LINGO2: variants seen among roughly 807,000 people sequenced by gnomAD.
The protein encoded by LINGO2 is leucine-rich repeat and immunoglobulin-like domain-containing nogo receptor-interacting protein 2.
In LINGO2, 14 loss-of-function variants were observed where a neutral mutation model predicts 30.6. The ratio of observed to expected loss-of-function variants is 0.46; its 90% confidence interval spans 0.30 to 0.72. The LOEUF is 0.72. Among genes scored for constraint, LINGO2 ranks in the 30% least tolerant of loss-of-function variants. The probability of loss-of-function intolerance (pLI) is 0.07; values close to 1 mark genes in which losing one functional copy is unlikely to be tolerated. For missense variants in LINGO2, 729 were observed against 751.7 expected (o/e 0.97, Z 0.35); for synonymous variants, 317 against 288.5 (o/e 1.10, Z -1.00).
At chr9:28,264,818 T>A (rs1414751061) in intron 4 of LINGO2, among the ~76,000 whole-genome samples, 1 of 152,036 alleles carries the variant, frequency 6.6e-6, no homozygotes, top group Admixed American at 6.6e-5. Flanking sequence ...CTAAATGGTA[T>A]TGTAAAGGTA....
intron 2 of LINGO2, among the ~76,000 whole-genome samples, chr9:28,397,951 T>A (rs1296427094): frequency 6.6e-6 from 1 of 152,216 alleles, no homozygotes; most frequent in Non-Finnish European, 1.5e-5. Context: ...TATTGTGCTA[T>A]TACACATGTA....
intron 1 of LINGO2, among the ~76,000 whole-genome samples, chr9:28,573,418 A>G (rs1823801693): frequency 1.3e-5 from 2 of 152,172 alleles, no homozygotes; most frequent in African/African-American, 2.4e-5. Context: ...AAAGTTGGCT[A>G]CAGAGTAGAG....
chr9:28,330,880 C>T (rs1050209336), intron 3 of LINGO2, among the ~76,000 whole-genome samples: 2 of 152,038 alleles, frequency 1.3e-5, no homozygotes, highest in Non-Finnish European at 2.9e-5. Context: ...TATGAAATTT[C>T]GTAATTCATT....
intron 4 of LINGO2, among the ~76,000 whole-genome samples, chr9:28,266,727 G>C (rs1285148611): frequency 6.6e-6 from 1 of 151,988 alleles, no homozygotes; most frequent in Non-Finnish European, 1.5e-5. Flanking sequence ...TAATATTCTT[G>C]CTCTGTGCCT....
At chr9:28,536,916 A>C (rs1476790679) in intron 1 of LINGO2, among the ~76,000 whole-genome samples, 1 of 152,106 alleles carries the variant, frequency 6.6e-6, no homozygotes, top group Admixed American at 6.6e-5. Context: ...TAAGCACCAC[A>C]TTATACGAGC....
At chr9:28,632,891 G>T (rs1018679538) in intron 1 of LINGO2, among the ~76,000 whole-genome samples, 51 of 132,542 alleles carry the variant, frequency 3.8e-4, no homozygotes, top group African/African-American at 7.8e-4. Flanking sequence ...TAGAGAGAGA[G>T]AGAGAGAGAG....
chr9:28,441,448 C>T lies in LINGO2; in HGVS notation c.-279+34492G>A, dbSNP rs78716526. On this transcript the variant is annotated intron_variant, in intron 2 of 5. Transcript: ENST00000379992. The stretch of plus-strand genomic sequence containing the variant: ...TTCCTTTGATAGACTTTAGCCCATA[C>T]TTCATGTTAGTTCTCAAGCTTCAGT... 1.2e-3 allele frequency among the ~76,000 whole-genome samples: 178 copies of T among 151,808 alleles called. 1 individual carries two copies. In the East Asian group the frequency reaches 0.033, roughly 28 times the overall value.
intron 1 of LINGO2, among the ~76,000 whole-genome samples, chr9:28,602,451 C>A (rs1489801172): frequency 6.6e-6 from 1 of 152,078 alleles, no homozygotes; most frequent in East Asian, 1.9e-4. Context: ...TTTTCAGATA[C>A]TAAATGATAT....
At chr9:28,447,608 C>T (rs1024868360) in intron 2 of LINGO2, among the ~76,000 whole-genome samples, 6 of 152,032 alleles carry the variant, frequency 3.9e-5, no homozygotes, top group African/African-American at 1.5e-4. Context: ...AGTGAGATCT[C>T]ATCTCTAAAA....
chr9:28,986,660 A>T, the LINGO2 span, among the ~76,000 whole-genome samples: 1 of 152,014 alleles, frequency 6.6e-6, no homozygotes, highest in African/African-American at 2.4e-5. Flanking sequence ...CTATAAACCC[A>T]TTGTTAATTG....
intron 1 of LINGO2, among the ~76,000 whole-genome samples, chr9:28,510,907 T>C (rs962811109): frequency 1.3e-5 from 2 of 151,726 alleles, no homozygotes; most frequent in Non-Finnish European, 2.9e-5. Flanking sequence ...GAACTTGGAG[T>C]CTGATGTTCG....
At chr9:28,049,035 C>T (rs992738870) in intron 4 of LINGO2, among the ~76,000 whole-genome samples, 2 of 151,002 alleles carry the variant, frequency 1.3e-5, no homozygotes, top group African/African-American at 4.9e-5. Context: ...TTGAAGTTTT[C>T]TTTCCAGTAT....
At chr9:27,953,600 T>G (rs951204163) in intron 5 of LINGO2, among the ~76,000 whole-genome samples, 18 of 152,128 alleles carry the variant, frequency 1.2e-4, no homozygotes, top group Non-Finnish European at 2.4e-4. Context: ...TCACAAGATC[T>G]GGTGGTTTTA....
At chr9:28,578,680 T>C (rs1189638476) in intron 1 of LINGO2, among the ~76,000 whole-genome samples, 3 of 152,148 alleles carry the variant, frequency 2.0e-5, no homozygotes, top group African/African-American at 7.2e-5. Context: ...TAAATTCTGC[T>C]AAAACCAACC....
At chr9:29,186,142 A>G in the LINGO2 span, among the ~76,000 whole-genome samples, 180 of 152,272 alleles carry the variant, frequency 1.2e-3, no homozygotes, top group African/African-American at 4.0e-3. Context: ...AGCAAACTGA[A>G]CTATACAGAC....
chr9:28,465,310 A>G (rs1451129661), intron 2 of LINGO2, among the ~76,000 whole-genome samples: 1 of 152,096 alleles, frequency 6.6e-6, no homozygotes, highest in Non-Finnish European at 1.5e-5. Context: ...AAGGGGATAA[A>G]GTGGGAAGGC....
the LINGO2 span, among the ~76,000 whole-genome samples, chr9:28,741,785 A>G: frequency 1.3e-5 from 2 of 151,628 alleles, no homozygotes; most frequent in East Asian, 3.9e-4. Context: ...GTTGGCCTAG[A>G]GTCTGGGTCT....
chr9:28,544,928 C>T (rs1043598572), intron 1 of LINGO2, among the ~76,000 whole-genome samples: 2 of 151,264 alleles, frequency 1.3e-5, no homozygotes, highest in East Asian at 1.9e-4. Flanking sequence ...AATTAGAAAA[C>T]GGACTCAGAG....
the LINGO2 span, among the ~76,000 whole-genome samples, chr9:28,916,050 G>C: frequency 6.6e-6 from 1 of 152,070 alleles, no homozygotes; most frequent in African/African-American, 2.4e-5. Context: ...ACCAGTTCAG[G>C]CCATGGTGCA....
Sources: allele counts gnomAD v4.1 joint callset (sites outside exome capture counted in the v4.1 genomes callset), GRCh38; gene constraint gnomAD v4.1.1; transcripts MANE v1.5; gene names NCBI Gene and HGNC (gene_info 2026-07-23, HGNC 2026-07-21).